N4BP2L2: variants seen among roughly 807,000 people sequenced by gnomAD.
N4BP2L2 encodes the protein NEDD4-binding protein 2-like 2.
In N4BP2L2, 50 loss-of-function variants were observed where a neutral mutation model predicts 56.2. That is an observed-to-expected ratio of 0.89 (90% CI 0.71 to 1.13). The LOEUF is 1.13. Ranked by LOEUF, N4BP2L2 falls within the 50% of genes most tolerant of loss-of-function variation. The pLI, the probability that N4BP2L2 is intolerant of heterozygous loss-of-function variation, is 0.00. For missense variants in N4BP2L2, 689 were observed against 693.8 expected, an observed-to-expected ratio of 0.99 and a Z score of 0.08; for synonymous variants, 203 against 223.6, an observed-to-expected ratio of 0.91 and a Z score of 0.82.
In N4BP2L2 at chr13:32,534,431, CA is replaced by C. The variant is rs61494333; in HGVS notation, c.1259+1337del. ...GTCCTAACTAGCAGACTCTTTTATCCAGTTTCCAAATTTCAGTTATTTATTG... is the reference window on the plus strand; with the variant it reads ...GTCCTAACTAGCAGACTCTTTTATCCGTTTCCAAATTTCAGTTATTTATTG... On this transcript the variant is annotated intron_variant, in intron 2 of 5. Coordinates refer to ENST00000267068, the Ensembl canonical transcript of N4BP2L2. 8.6e-3 allele frequency among the ~76,000 whole-genome samples: 1,307 copies of C among 152,188 alleles called. 15 individuals carry two copies. Among genetic ancestry groups the C allele is most frequent in the African/African-American group, 0.03 (1,238 of 41,530 alleles).
intron 2 of N4BP2L2, among the ~76,000 whole-genome samples, chr13:32,531,691 G>GA (rs962120454): frequency 6.6e-6 from 1 of 151,648 alleles, no homozygotes; most frequent in South Asian, 2.1e-4. Context: ...AAAGAAGGGA[G>GA]AAAAAAAAGT....
intron 6 of N4BP2L2, chr13:32,477,325 A>T (rs959296132): frequency 5.0e-6 from 1 of 199,182 alleles, no homozygotes; most frequent in African/African-American, 2.4e-5. Context: ...GGCCAAGTAC[A>T]GCATGTGGTC....
intron 6 of N4BP2L2, chr13:32,446,450 C>T (rs2077066231): frequency 1.2e-5 from 16 of 1,346,722 alleles, no homozygotes; most frequent in Non-Finnish European, 1.6e-5. Context: ...TGAAAACAAA[C>T]TCCCCTGTCT....
chr13:32,518,656 T>TA (rs1425324649), intron 5 of N4BP2L2, among the ~76,000 whole-genome samples: 1 of 151,970 alleles, frequency 6.6e-6, no homozygotes, highest in Non-Finnish European at 1.5e-5. Context: ...GGCAAAACTT[T>TA]AAAAAAAGAG....
exon 6 of N4BP2L2, chr13:32,510,563 A>G (rs2047893322): frequency 7.0e-6 from 1 of 143,720 alleles, no homozygotes; most frequent in African/African-American, 2.7e-5. Context: ...GCATGGCACC[A>G]TCTTGGCTCA....
intron 6 of N4BP2L2, among the ~76,000 whole-genome samples, chr13:32,491,055 G>A (rs2086962292): frequency 6.7e-6 from 1 of 150,070 alleles, no homozygotes. Flanking sequence ...ATGCCTCCAA[G>A]GTTTAAGACA....
rs187986919 is a variant in N4BP2L2, at chr13:32,535,937, C to A, written c.1091G>T (p.Gly364Val). Residue 364 changes from glycine to valine, a missense_variant, in exon 2 of 6, where the codon GGT becomes GTT. By Grantham distance (109) the Gly-to-Val change is moderately radical. Transcript: ENST00000267068. ...GCATCTTTCTCTGACTTCACAGAAA[C>A]CATTACTCACATATCGATCTTGCAT... 2.5e-6 allele frequency: 4 copies of A among 1,614,068 alleles called. No individual in the cohort carries two copies. The East Asian group carries it at 8.9e-5, about 36-fold the overall frequency.
intron 6 of N4BP2L2, among the ~76,000 whole-genome samples, chr13:32,471,390 G>A (rs1465176525): frequency 1.3e-5 from 2 of 152,212 alleles, no homozygotes; most frequent in African/African-American, 2.4e-5. Flanking sequence ...GGGTGCAGGC[G>A]CATACTCCAC....
intron 4 of N4BP2L2, 196 bp downstream of exon 4, chr13:32,521,986 A>G (rs1448538366): frequency 3.8e-6 from 2 of 520,446 alleles, no homozygotes; most frequent in South Asian, 2.5e-5. Context: ...AAAAAAACAA[A>G]CAAAAATTAA....
chr13:32,447,461 G>A (rs551744738), intron 6 of N4BP2L2, among the ~76,000 whole-genome samples: 1 of 152,190 alleles, frequency 6.6e-6, no homozygotes, highest in East Asian at 1.9e-4. Flanking sequence ...CTGTTTTGAA[G>A]GAAAAATAAG....
At chr13:32,450,417 C>G (rs2077751134) in intron 6 of N4BP2L2, among the ~76,000 whole-genome samples, 1 of 151,116 alleles carries the variant, frequency 6.6e-6, no homozygotes, top group Admixed American at 6.6e-5. Flanking sequence ...CTCCGCCTCC[C>G]AGGTTCAGGC....
chr13:32,443,294 T>C, exon 7 of N4BP2L2: 2 of 1,614,010 alleles, frequency 1.2e-6, no homozygotes, highest in South Asian at 1.1e-5. Context: ...CATTGCCCCC[T>C]GCTGTCAGGA....
chr13:32,446,442 A>C (rs1054887082), intron 6 of N4BP2L2: 1 of 1,353,570 alleles, frequency 7.4e-7, no homozygotes, highest in Non-Finnish European at 9.8e-7. Flanking sequence ...TGTCATTCTG[A>C]AAACAAACTC....
At position 32,535,622 on chromosome 13, in the gene N4BP2L2, T is replaced by A. The variant is rs551854576; in HGVS notation, c.1259+147A>T. On this transcript the variant is annotated intron_variant, in intron 2 of 5. Transcript: ENST00000267068. ...TCTCACTATGTTGCCCAGGCTGGTC[T>A]CAAACTCCTGAGCTCAAGTGACTGG... 4 of 767,372 alleles carry A rather than the reference T, an allele frequency of 5.2e-6. No homozygotes were observed. The African/African-American group carries it at 7.0e-5, about 13-fold the overall frequency. 47.5% of individuals were successfully genotyped at this position (767,372 alleles called of 1,614,324 possible).
At chr13:32,449,238 A>C (rs2077492108) in intron 6 of N4BP2L2, among the ~76,000 whole-genome samples, 1 of 152,240 alleles carries the variant, frequency 6.6e-6, no homozygotes, top group Non-Finnish European at 1.5e-5. Context: ...AAGTCTGTTT[A>C]TGCCAATAAT....
chr13:32,479,667 T>G (rs1189277081), intron 6 of N4BP2L2, among the ~76,000 whole-genome samples: 1 of 148,732 alleles, frequency 6.7e-6, no homozygotes, highest in Non-Finnish European at 1.5e-5. Flanking sequence ...TGAAAAAATA[T>G]TAATTACTGA....
intron 6 of N4BP2L2, among the ~76,000 whole-genome samples, chr13:32,463,316 T>C (rs143546863): frequency 1.6e-3 from 245 of 152,202 alleles, no homozygotes; most frequent in African/African-American, 5.7e-3. Flanking sequence ...GAAGAGACTA[T>C]GGGACACCAT....
Position 32,453,025 on chromosome 13 carries a change from G to A in N4BP2L2, c.366-8899C>T, listed in dbSNP as rs139645197. ...TGTAATCCCAGCACTTTGGGAGGCTGAGGCAGGTGGATCACCTACGGTTGG... is the reference window on the plus strand; with the variant it reads ...TGTAATCCCAGCACTTTGGGAGGCTAAGGCAGGTGGATCACCTACGGTTGG... On this transcript the variant is annotated intron_variant, in intron 6 of 9. Coordinates refer to the N4BP2L2 transcript ENST00000357505. 4.5e-3 allele frequency among the ~76,000 whole-genome samples: 678 copies of A among 152,302 alleles called. 5 individuals are homozygous for A. Among genetic ancestry groups the A allele is most frequent in the African/African-American group, 0.016 (651 of 41,564 alleles).
intron 5 of N4BP2L2, 148 bp from the exon 6 acceptor site, chr13:32,518,151 G>C (rs1482298018): frequency 5.2e-6 from 4 of 767,950 alleles, no homozygotes; most frequent in Non-Finnish European, 7.8e-6. Context: ...TATGTAAAAA[G>C]ACTTATTAAA....
Sources: gnomAD v4.1 joint callset for allele counts (sites outside exome capture counted in the v4.1 genomes callset) on GRCh38, gnomAD v4.1.1 for gene constraint, MANE v1.5 for transcripts, NCBI Gene and HGNC (gene_info 2026-07-23, HGNC 2026-07-21) for gene names.